TRPC6: variants seen among roughly 807,000 people sequenced by gnomAD.
TRPC6 encodes short transient receptor potential channel 6.
A neutral mutation model predicts 90.7 loss-of-function variants in TRPC6; 55 were observed. The observed-to-expected ratio is 0.61, with a 90% CI of 0.49 to 0.76. TRPC6 has a LOEUF of 0.76. Ranked by LOEUF, TRPC6 falls within the 30% of genes least tolerant of loss-of-function variation. TRPC6 has a pLI of 0.00. For missense variants in TRPC6, 989 were observed against 1,122.7 expected, an observed-to-expected ratio of 0.88 and a Z score of 1.70; for synonymous variants, 393 against 393.0, an observed-to-expected ratio of 1.00 and a Z score of 0.00.
intron 1 of TRPC6, among the ~76,000 whole-genome samples, chr11:101,582,721 G>C (rs1212095545): frequency 6.6e-6 from 1 of 152,040 alleles, no homozygotes; most frequent in South Asian, 2.1e-4. Context: ...TCGCGCCGCC[G>C]GTGGAGAGTC....
intron 2 of TRPC6, among the ~76,000 whole-genome samples, chr11:101,496,450 G>A (rs946292695): frequency 5.9e-5 from 9 of 152,108 alleles, no homozygotes; most frequent in African/African-American, 1.9e-4. Flanking sequence ...TCTACTATGT[G>A]GGGTTGTGAG....
chr11:101,564,232 G>A (rs879638644), intron 1 of TRPC6, among the ~76,000 whole-genome samples: 5 of 151,836 alleles, frequency 3.3e-5, no homozygotes, highest in Non-Finnish European at 7.4e-5. Flanking sequence ...CTTAAGTTTT[G>A]TTGTTTATGT....
At chr11:101,578,638 T>C (rs920491203) in intron 1 of TRPC6, among the ~76,000 whole-genome samples, 3 of 152,120 alleles carry the variant, frequency 2.0e-5, no homozygotes, top group Non-Finnish European at 4.4e-5. Flanking sequence ...TGAGAGGATA[T>C]AATTAAGAAT....
intron 1 of TRPC6, among the ~76,000 whole-genome samples, chr11:101,549,452 C>T (rs1264596044): frequency 6.6e-6 from 1 of 151,194 alleles, no homozygotes; most frequent in South Asian, 2.1e-4. Context: ...AAGAAAATAG[C>T]AAAAAGGCAA....
At chr11:101,545,592 G>A (rs1861284598) in intron 1 of TRPC6, among the ~76,000 whole-genome samples, 1 of 152,128 alleles carries the variant, frequency 6.6e-6, no homozygotes, top group Admixed American at 6.5e-5. Context: ...TCTTTTGACT[G>A]CTAATCCAAT....
chr11:101,548,616 A>ATTGC (rs1224676588), intron 1 of TRPC6, among the ~76,000 whole-genome samples: 1 of 151,044 alleles, frequency 6.6e-6, no homozygotes, highest in Non-Finnish European at 1.5e-5. Context: ...GTTCTCTGTG[A>ATTGC]TAGCAAAGCT....
chr11:101,482,761 C>A (rs11224785), intron 5 of TRPC6, among the ~76,000 whole-genome samples, 188 bp downstream of exon 5: 1 of 151,898 alleles, frequency 6.6e-6, no homozygotes, highest in East Asian at 1.9e-4. Context: ...GCACAGCATG[C>A]GAGAAGACTA....
At chr11:101,478,060 C>T (rs1171994639) in intron 5 of TRPC6, among the ~76,000 whole-genome samples, 1 of 152,146 alleles carries the variant, frequency 6.6e-6, no homozygotes, top group Non-Finnish European at 1.5e-5. Flanking sequence ...CTCCTCTTAC[C>T]CTCAGCAACC....
At position 101,453,693 on chromosome 11, in the gene TRPC6, T is replaced by C. The variant is rs926447524; in HGVS notation, c.2601A>G (p.Val867=). The C allele has an allele frequency of 6.2e-7, 1 of 1,613,832 alleles. No individual in the cohort carries two copies. Among genetic ancestry groups the C allele is most frequent in the Non-Finnish European group, 8.5e-7 (1 of 1,179,864 alleles). The change falls in exon 12 of 13, where the codon GTA becomes GTG. Residue 867 remains valine, a synonymous_variant. Coordinates refer to ENST00000344327, the MANE Select transcript of TRPC6 (RefSeq NM_004621.6). ...KIMKRLIKRY[V]LQAQIDKESD... is the part of the protein sequence containing the mutation. ...TCTCCTTATCTATCTGGGCCTGCAG[T>C]ACATATCTTTTAATGAGCCTTTTCA...
chr11:101,559,758 A>AT (rs1861671754), intron 1 of TRPC6, among the ~76,000 whole-genome samples: 2 of 149,262 alleles, frequency 1.3e-5, no homozygotes, highest in South Asian at 4.3e-4. Flanking sequence ...AACATTAGGT[A>AT]TATCTCCTAA....
chr11:101,560,451 T>A (rs1217307616), intron 1 of TRPC6, among the ~76,000 whole-genome samples: 1 of 152,186 alleles, frequency 6.6e-6, no homozygotes, highest in Admixed American at 6.5e-5. Context: ...GCTTTACTTG[T>A]TTTCATTTCT....
At chr11:101,549,168 G>A (rs1287471108) in intron 1 of TRPC6, among the ~76,000 whole-genome samples, 2 of 151,916 alleles carry the variant, frequency 1.3e-5, no homozygotes, top group African/African-American at 4.8e-5. Flanking sequence ...CACCTGAAGT[G>A]ATTTAAGAGC....
chr11:101,575,162 A>C (rs1862044300), intron 1 of TRPC6, among the ~76,000 whole-genome samples: 1 of 152,212 alleles, frequency 6.6e-6, no homozygotes, highest in Non-Finnish European at 1.5e-5. Context: ...AATGTCTCTA[A>C]AACAACCTGC....
At chr11:101,572,412 G>T (rs1018434147) in intron 1 of TRPC6, among the ~76,000 whole-genome samples, 1 of 152,208 alleles carries the variant, frequency 6.6e-6, no homozygotes, top group African/African-American at 2.4e-5. Flanking sequence ...CTGTTGGTGG[G>T]AGTGTAAACT....
At position 101,544,376 on chromosome 11, in the gene TRPC6, C is replaced by T. The variant is rs530614026; in HGVS notation, c.170+38958G>A. Among the ~76,000 whole-genome samples, 6 of 152,312 alleles carry T rather than the reference C, an allele frequency of 3.9e-5. No homozygotes were observed. The East Asian group carries it at 5.8e-4, about 15-fold the overall frequency. On this transcript the variant is annotated intron_variant, in intron 1 of 12. Coordinates refer to ENST00000344327, the MANE Select transcript of TRPC6 (RefSeq NM_004621.6). The stretch of plus-strand genomic sequence containing the variant: ...ACCATTTGACTCAGCAATCCCATTA[C>T]TGGGTATATACCCAAAGGATTATAA...
chr11:101,471,478 G>T, intron 8 of TRPC6, 92 bp from the exon 9 acceptor site: 1 of 1,327,668 alleles, frequency 7.5e-7, no homozygotes, highest in Non-Finnish European at 1.1e-6. Context: ...GGAGGACAAT[G>T]CCTATAAACA....
chr11:101,468,185 C>T (rs1339207898), intron 10 of TRPC6, among the ~76,000 whole-genome samples: 2 of 152,224 alleles, frequency 1.3e-5, no homozygotes, highest in East Asian at 1.9e-4. Context: ...CCACATGTTA[C>T]CTCCCACTGC....
At chr11:101,529,728 C>A (rs1565231358) in intron 1 of TRPC6, among the ~76,000 whole-genome samples, 1 of 152,116 alleles carries the variant, frequency 6.6e-6, no homozygotes, top group African/African-American at 2.4e-5. Flanking sequence ...AATAGGAGGC[C>A]CCCTGCTCAT....
chr11:101,563,954 C>T (rs1327889766), intron 1 of TRPC6, among the ~76,000 whole-genome samples: 3 of 151,936 alleles, frequency 2.0e-5, no homozygotes, highest in Middle Eastern at 3.2e-3. Flanking sequence ...TGTTTAACTG[C>T]GTGAAGCTAC....
Sources: gnomAD v4.1 joint callset for allele counts (sites outside exome capture counted in the v4.1 genomes callset) on GRCh38, gnomAD v4.1.1 for gene constraint, MANE v1.5 for transcripts, NCBI Gene and HGNC (gene_info 2026-07-23, HGNC 2026-07-21) for gene names.